The following NMT1 variants were observed in gnomAD, a reference collection of about 807,000 sequenced individuals.
The protein encoded by NMT1 is N-myristoyltransferase 1, also known as glycylpeptide N-tetradecanoyltransferase 1.
In NMT1, 12 loss-of-function variants were observed where a neutral mutation model predicts 63.4. The ratio of observed to expected loss-of-function variants is 0.19; its 90% CI spans 0.12 to 0.31. The LOEUF (loss-of-function observed/expected upper bound fraction) is 0.31, where lower values mean the gene tolerates loss of function less well. NMT1 is among the 10% of genes least tolerant of loss of function. The pLI is 1.00. For synonymous variants in NMT1, 228 were observed against 234.3 expected (o/e 0.97, Z 0.25); for missense variants, 432 against 634.6 (o/e 0.68, Z 3.43).
At chr17:45,094,230 C>T (rs938916857) in intron 4 of NMT1, among the ~76,000 whole-genome samples, 1 of 151,914 alleles carries the variant, frequency 6.6e-6, no homozygotes, top group South Asian at 2.1e-4. Flanking sequence ...CGTGGTGGCT[C>T]ACACCTGTAA....
At chr17:45,087,037 T>C (rs1598011970) in intron 3 of NMT1, among the ~76,000 whole-genome samples, 2 of 150,556 alleles carry the variant, frequency 1.3e-5, no homozygotes, top group South Asian at 4.2e-4. Flanking sequence ...GACATGCACC[T>C]GTAGTCCCAG....
intron 3 of NMT1, among the ~76,000 whole-genome samples, chr17:45,088,361 C>A (rs2054067573): frequency 6.6e-6 from 1 of 152,244 alleles, no homozygotes; most frequent in East Asian, 1.9e-4. Context: ...GCTCTGTTTT[C>A]AGATGGCATT....
chr17:45,077,832 A>T (rs1347425406), intron 1 of NMT1, among the ~76,000 whole-genome samples: 3 of 152,076 alleles, frequency 2.0e-5, no homozygotes, highest in Admixed American at 6.6e-5. Flanking sequence ...TAAGAAGAAG[A>T]AGTTATCTTT....
Position 45,074,170 on chromosome 17 carries a change from T to C in NMT1, c.132-7474T>C, listed in dbSNP as rs563723639. On this transcript the variant is annotated intron_variant, in intron 1 of 11. Transcript: ENST00000258960. ...TTTATACAGGAGCATCCTTAGGATG[T>C]CTTACATCTTTGAACTTGTAACATT... Among the ~76,000 whole-genome samples the C allele has an allele frequency of 3.3e-5, 5 of 152,244 alleles. No homozygotes were observed. The South Asian group carries it at 1.0e-3, about 32-fold the overall frequency.
At chr17:45,063,627 A>G (rs113170866) in intron 1 of NMT1, among the ~76,000 whole-genome samples, 16,740 of 152,242 alleles carry the variant, frequency 0.11, 993 homozygotes, top group Middle Eastern at 0.18. Context: ...CTGGCGTGGT[A>G]GCTCACACCT....
At chr17:45,083,348 A>T (rs981699806) in intron 2 of NMT1, among the ~76,000 whole-genome samples, 3 of 151,950 alleles carry the variant, frequency 2.0e-5, no homozygotes, top group Admixed American at 1.3e-4. Flanking sequence ...AAAAAAATTT[A>T]AAAAAAGGAA....
At chr17:45,085,131 T>C (rs2054043870) in intron 2 of NMT1, among the ~76,000 whole-genome samples, 1 of 152,222 alleles carries the variant, frequency 6.6e-6, no homozygotes, top group Middle Eastern at 3.4e-3. Context: ...CACACGCCTA[T>C]AGTTCCAGCT....
At chr17:45,072,449 G>C (rs2143461404) in intron 1 of NMT1, among the ~76,000 whole-genome samples, 1 of 151,378 alleles carries the variant, frequency 6.6e-6, no homozygotes, top group Non-Finnish European at 1.5e-5. Context: ...TTTTTTAGTA[G>C]AGATGGGGTT....
intron 3 of NMT1, among the ~76,000 whole-genome samples, chr17:45,092,737 A>G (rs570190011): frequency 6.6e-6 from 1 of 151,874 alleles, no homozygotes; most frequent in Non-Finnish European, 1.5e-5. Context: ...GAAAAGAAAA[A>G]AAAAATATTT....
Position 45,086,649 on chromosome 17 carries a change from C to T in NMT1, c.382C>T (p.Leu128=). 1 of 1,609,870 alleles carries T rather than the reference C, an allele frequency of 6.2e-7. No homozygotes were observed. Among genetic ancestry groups the T allele is most frequent in the Non-Finnish European group, 8.5e-7 (1 of 1,178,078 alleles). Residue 128 remains leucine, a synonymous_variant, in exon 3 of 12, where the codon CTG becomes TTG. Transcript: ENST00000258960. ...QFWDTQPVPK[L]GEVVNTHGPV... ...CTGGGATACGCAGCCCGTCCCCAAG[C>T]TGGGTATGTACATGCTTGCTTTCTT...
chr17:45,104,267 C>T lies in NMT1; in HGVS notation c.1332+391C>T. Reference sequence around the variant, plus strand: ...CCAACTGCCAGTAGCGGATGGCGAGCCCGTCTGTCAGTGCTTTGCTGTGGG... The same window carrying T: ...CCAACTGCCAGTAGCGGATGGCGAGTCCGTCTGTCAGTGCTTTGCTGTGGG... On this transcript the variant is annotated intron_variant, in intron 10 of 11. Coordinates refer to ENST00000258960, the MANE Select transcript of NMT1 (RefSeq NM_021079.5). This position sits in a 1 kb window ranked among gnomAD's most constrained non-coding sequence, Gnocchi z 4.2. 8.4e-7 allele frequency: 1 copy of T among 1,192,416 alleles called. No homozygotes were observed. Among genetic ancestry groups the T allele is most frequent in the Non-Finnish European group, 1.1e-6 (1 of 947,694 alleles). 73.9% of individuals were successfully genotyped at this position (1,192,416 alleles called of 1,614,324 possible). A position where few individuals can be genotyped will look rare whatever the true frequency, so the allele number is the denominator to read the frequency against.
chr17:45,091,752 C>T (rs924056798), intron 3 of NMT1, among the ~76,000 whole-genome samples: 10 of 152,046 alleles, frequency 6.6e-5, no homozygotes, highest in Non-Finnish European at 1.2e-4. Flanking sequence ...TTTGGCTGGG[C>T]GCCGTGGCTC....
chr17:45,103,907 T>C lies in NMT1; in HGVS notation c.1332+31T>C. 4 of 1,611,382 alleles carry C rather than the reference T, an allele frequency of 2.5e-6. No individual in the cohort carries two copies. The highest frequency in any genetic ancestry group is 1.3e-5 in the African/African-American group (1 of 75,012). ...GAGCAGACGGGGGGGTCTCTGGAGA[T>C]GTGCAGGGAAGAGGCAGTGGAGCCA... is the stretch of plus-strand genomic sequence containing the variant. On this transcript the variant is annotated intron_variant, in intron 10 of 11. Coordinates refer to ENST00000258960, the MANE Select transcript of NMT1 (RefSeq NM_021079.5). This position sits in a 1 kb window ranked among gnomAD's most constrained non-coding sequence, Gnocchi z 4.8.
rs2054180701 is a variant in NMT1, at chr17:45,103,373, T to C, written c.1164+252T>C. ...GAGAGAACTGAGCCCCGCTTAATCC[T>C]TCAGGAAAGCCTGCAATTCCCTGCC... is the stretch of plus-strand genomic sequence containing the variant. On this transcript the variant is annotated intron_variant, in intron 9 of 11. Transcript: ENST00000258960. This position sits in a 1 kb window ranked among gnomAD's most constrained non-coding sequence, Gnocchi z 4.8. Among the ~76,000 whole-genome samples, 1 of 152,184 alleles carries C rather than the reference T, an allele frequency of 6.6e-6. No homozygotes were observed. The highest frequency in any genetic ancestry group is 2.4e-5 in the African/African-American group (1 of 41,440).
intron 3 of NMT1, among the ~76,000 whole-genome samples, chr17:45,091,913 C>T (rs2157838): frequency 1.3e-5 from 2 of 152,012 alleles, no homozygotes; most frequent in African/African-American, 2.4e-5. Flanking sequence ...CCCAACCACT[C>T]GAGAGGCTGA....
chr17:45,106,311 C>T lies in NMT1; in HGVS notation c.*672C>T, dbSNP rs1438688265. 1 of 152,686 alleles carries T rather than the reference C, an allele frequency of 6.5e-6. No homozygotes were observed. Among genetic ancestry groups the T allele is most frequent in the East Asian group, 1.9e-4 (1 of 5,196 alleles). The allele number at this position is 152,686 out of a possible 1,614,324, so 9.5% of individuals were successfully genotyped here. A position where few individuals can be genotyped will look rare whatever the true frequency, so the allele number is the denominator to read the frequency against. ...CTGGGCAGGGACTTTCCTGCAGGGC[C>T]AGACCTGCCTGCATTCTGAGACAAA... On this transcript the variant is annotated 3_prime_UTR_variant, in exon 12 of 12. Transcript: ENST00000258960.
intron 1 of NMT1, among the ~76,000 whole-genome samples, chr17:45,067,740 A>C (rs1322889617): frequency 6.6e-6 from 1 of 152,208 alleles, no homozygotes; most frequent in East Asian, 1.9e-4. Flanking sequence ...CTCATCACTG[A>C]TATCAAATAA....
At chr17:45,072,781 G>T (rs2053950990) in intron 1 of NMT1, among the ~76,000 whole-genome samples, 1 of 144,036 alleles carries the variant, frequency 6.9e-6, no homozygotes, top group South Asian at 2.2e-4. Context: ...GGATGGTCTC[G>T]ATCTCCTGAC....
rs772090829 is a variant in NMT1, at chr17:45,096,165, C to T, written c.505-29C>T. 3.2e-6 allele frequency: 5 copies of T among 1,561,130 alleles called. No homozygotes were observed. In the South Asian group the frequency reaches 5.6e-5, roughly 17 times the overall value. ...GTTGGTCTACTACCTGGCAGAATACCTCCAAGTGAGCTGCTTATTTCTTTA... is the reference window on the plus strand; with the variant it reads ...GTTGGTCTACTACCTGGCAGAATACTTCCAAGTGAGCTGCTTATTTCTTTA... On this transcript the variant is annotated intron_variant, in intron 4 of 11. Transcript: ENST00000258960.
Sources: allele counts gnomAD v4.1 joint callset (sites outside exome capture counted in the v4.1 genomes callset), GRCh38; gene constraint gnomAD v4.1.1; non-coding constraint Gnocchi (gnomAD v3.1); transcripts MANE v1.5; gene names NCBI Gene and HGNC (gene_info 2026-07-23, HGNC 2026-07-21).